Variants in CENATAC observed in about 807,000 individuals in gnomAD.
CENATAC encodes coiled-coil domain containing 84.
CENATAC carries 53 observed loss-of-function variants against 53.7 expected under a neutral mutation model. The ratio of observed to expected loss-of-function variants is 0.99; its 90% CI spans 0.79 to 1.24. The LOEUF is 1.24. Ranked by LOEUF, CENATAC falls within the 50% of genes most tolerant of loss-of-function variation. The pLI is 0.00. For synonymous variants in CENATAC, 156 were observed against 144.6 expected (o/e 1.08, Z -0.57); for missense variants, 474 against 417.8 (o/e 1.13, Z -1.17).
At chr11:119,006,177 C>CTG (rs1942586221) in intron 3 of CENATAC, among the ~76,000 whole-genome samples, 1 of 147,362 alleles carries the variant, frequency 6.8e-6, no homozygotes, top group East Asian at 2.0e-4. Context: ...ACCTCTGCCT[C>CTG]CCAGGTTCAA....
Position 118,998,535 on chromosome 11 carries a change from C to T in CENATAC, c.226C>T (p.His76Tyr). The T allele has an allele frequency of 1.2e-6, 2 of 1,601,960 alleles. No individual in the cohort carries two copies. The highest frequency in any genetic ancestry group is 8.5e-7 in the Non-Finnish European group (1 of 1,174,180). Residue 76 changes from histidine to tyrosine, a missense_variant, in exon 2 of 11, where the codon CAC becomes TAC. Physicochemically the swap from His to Tyr is moderately conservative, Grantham distance 83 (BLOSUM62 2). Transcript: ENST00000334418. ...GTGCTGCGGCTGTGAGGTGCGGGAACACCTGAGCCATGGAAACCTGACGGT... is the reference window on the plus strand; with the variant it reads ...GTGCTGCGGCTGTGAGGTGCGGGAATACCTGAGCCATGGAAACCTGACGGT... Reference protein sequence around the residue: ...CLCCGCEVREHLSHGNLTVLY... With the variant: ...CLCCGCEVREYLSHGNLTVLY...
Position 118,998,566 on chromosome 11 carries a change from A to C in CENATAC, c.257A>C (p.Tyr86Ser), listed in dbSNP as rs781789455. ...HLSHGNLTVLYGGLLEHLASP... is the reference protein window; with the variant it reads ...HLSHGNLTVLSGGLLEHLASP... The stretch of plus-strand genomic sequence containing the variant: ...AGCCATGGAAACCTGACGGTGCTGT[A>C]CGGGGGGCTGCTGGAGCATCTGGCC... Residue 86 changes from tyrosine to serine, a missense_variant, in exon 2 of 11, where the codon TAC becomes TCC. Coordinates refer to ENST00000334418, the MANE Select transcript of CENATAC (RefSeq NM_198489.3). 10 of 1,575,774 alleles carry C rather than the reference A, an allele frequency of 6.3e-6. No individual in the cohort carries two copies. The highest frequency in any genetic ancestry group is 1.2e-5 in the South Asian group (1 of 86,844).
intron 4 of CENATAC, 155 bp from the exon 5 acceptor site, chr11:119,011,066 G>A (rs983142488): frequency 3.0e-6 from 2 of 670,614 alleles, no homozygotes; most frequent in Admixed American, 2.8e-5. Flanking sequence ...TCTGACAGGA[G>A]CTCAGGCGGC....
Position 119,015,704 on chromosome 11 carries a change from C to G in CENATAC, c.*106C>G. The G allele has an allele frequency of 7.6e-7, 1 of 1,313,654 alleles. No individual in the cohort carries two copies. 81.4% of individuals were successfully genotyped at this position (1,313,654 alleles called of 1,614,324 possible). A position where few individuals can be genotyped will look rare whatever the true frequency, so the allele number is the denominator to read the frequency against. On this transcript the variant is annotated 3_prime_UTR_variant, in exon 11 of 11. Coordinates refer to ENST00000334418, the MANE Select transcript of CENATAC (RefSeq NM_198489.3). ...TTGTCTTTCTTAGGAAACAGACATACTCATTCATTTGATTTAATAAAGTTT... is the reference window on the plus strand; with the variant it reads ...TTGTCTTTCTTAGGAAACAGACATAGTCATTCATTTGATTTAATAAAGTTT...
At chr11:119,014,870 T>C (rs892813105) in intron 8 of CENATAC, 124 bp from the exon 9 acceptor site, 13 of 621,362 alleles carry the variant, frequency 2.1e-5, no homozygotes, top group Admixed American at 3.2e-5. Context: ...GCTCCAGAAT[T>C]CCTGGGCTTT....
At chr11:119,008,731 A>G (rs1245628408) in intron 3 of CENATAC, among the ~76,000 whole-genome samples, 2 of 152,168 alleles carry the variant, frequency 1.3e-5, no homozygotes, top group Admixed American at 6.6e-5. Flanking sequence ...CCACGAGGCC[A>G]TATTTCAGAC....
chr11:119,006,855 C>T (rs950471255), intron 3 of CENATAC, among the ~76,000 whole-genome samples: 6 of 152,244 alleles, frequency 3.9e-5, no homozygotes, highest in Non-Finnish European at 5.9e-5. Context: ...ATAAGTCTCA[C>T]ATGATCTGAT....
At chr11:119,015,230 A>C in intron 9 of CENATAC, 77 bp from the exon 10 acceptor site, 1 of 1,503,266 alleles carries the variant, frequency 6.7e-7, no homozygotes, top group Non-Finnish European at 9.0e-7. Context: ...GTTTGAAAAC[A>C]GCCTGGACAA....
rs782443849 is a variant in CENATAC, at chr11:119,015,544, A to G, written c.945A>G (p.Gln315=). The G allele has an allele frequency of 1.2e-6, 2 of 1,614,116 alleles. No homozygotes were observed. The highest frequency in any genetic ancestry group is 2.2e-5 in the South Asian group (2 of 91,084). The part of the protein sequence containing the change: ...NNGRRWQSRH[Q]FKTEAAAMKK... Reference sequence around the variant, plus strand: ...ACCCTTTATTTCCTTTCAGACATCAATTCAAAACTGAAGCTGCAGCAATGA... The same window carrying G: ...ACCCTTTATTTCCTTTCAGACATCAGTTCAAAACTGAAGCTGCAGCAATGA... The change falls in exon 11 of 11, where the codon CAA becomes CAG. Residue 315 remains glutamine, a synonymous_variant. Coordinates refer to ENST00000334418, the MANE Select transcript of CENATAC (RefSeq NM_198489.3).
intron 7 of CENATAC, 31 bp downstream of exon 7, chr11:119,012,285 C>A (rs782611424): frequency 1.2e-6 from 2 of 1,610,614 alleles, no homozygotes; most frequent in Non-Finnish European, 1.7e-6. Context: ...AGAAGAGGGC[C>A]AATGGTCCCT....
intron 3 of CENATAC, among the ~76,000 whole-genome samples, chr11:119,009,168 C>T (rs942290098): frequency 6.6e-6 from 1 of 152,052 alleles, no homozygotes; most frequent in African/African-American, 2.4e-5. Flanking sequence ...CTTGCTCTGT[C>T]ACTGGCCTGG....
chr11:119,014,374 G>T (rs1943035681), intron 8 of CENATAC: 1 of 152,284 alleles, frequency 6.6e-6, no homozygotes, highest in African/African-American at 2.4e-5. Flanking sequence ...ACGAGGTCAG[G>T]AGTTCAAGAC....
chr11:119,014,453 A>G (rs59608621), intron 8 of CENATAC: 44,924 of 151,958 alleles, frequency 0.3, 7,289 homozygotes, highest in African/African-American at 0.43. Flanking sequence ...ATCGCAGCGC[A>G]CGCCTGTAAT....
intron 3 of CENATAC, 110 bp from the exon 4 acceptor site, chr11:119,010,654 T>C: frequency 1.1e-6 from 1 of 950,564 alleles, no homozygotes; most frequent in Non-Finnish European, 1.7e-6. Flanking sequence ...CTATACTGTT[T>C]TGTTTCTGAA....
rs782816552 is a variant in CENATAC, at chr11:118,999,041, C to T, written c.315C>T (p.Phe105=). The stretch of plus-strand genomic sequence containing the variant: ...AGCACAAGAAAGCAACCAACAAATT[C>T]TGGTGGGAGAACAAAGCTGAGGTCC... The part of the protein sequence containing the change: ...SPEHKKATNK[F]WWENKAEVQM... The change falls in exon 3 of 11, where the codon TTC becomes TTT. Residue 105 remains phenylalanine, a synonymous_variant. Transcript: ENST00000334418. The T allele has an allele frequency of 8.1e-6, 13 of 1,614,022 alleles. No individual in the cohort carries two copies. Among genetic ancestry groups the T allele is most frequent in the South Asian group, 3.3e-5 (3 of 91,078 alleles).
intron 3 of CENATAC, chr11:119,001,503 C>T (rs939624468): frequency 3.4e-5 from 14 of 410,520 alleles, no homozygotes; most frequent in African/African-American, 2.1e-4. Flanking sequence ...GCGATTCTCC[C>T]GTTTCAGCCT....
In CENATAC at chr11:119,015,332, C is replaced by G. The variant is rs1240129436; in HGVS notation, c.831C>G (p.Leu277=). 4 of 1,612,678 alleles carry G rather than the reference C, an allele frequency of 2.5e-6. No homozygotes were observed. Among genetic ancestry groups the G allele is most frequent in the African/African-American group, 2.7e-5 (2 of 74,796 alleles). The change falls in exon 10 of 11, where the codon CTC becomes CTG. Residue 277 remains leucine (L), a synonymous_variant. Coordinates refer to ENST00000334418, the MANE Select transcript of CENATAC (RefSeq NM_198489.3). ...AGGAAAAACAGAAGTTGAAAAAACTCCCCCCAGACCGAGTTGGGGCCAACT... is the reference window on the plus strand; with the variant it reads ...AGGAAAAACAGAAGTTGAAAAAACTGCCCCCAGACCGAGTTGGGGCCAACT... The part of the protein sequence containing the change: ...KEKEKQKLKK[L]PPDRVGANFD...
chr11:118,998,405 G>A, intron 1 of CENATAC, 25 bp from the exon 2 acceptor site: 1 of 1,612,620 alleles, frequency 6.2e-7, no homozygotes, highest in Non-Finnish European at 8.5e-7. Flanking sequence ...CCCCCTCGGG[G>A]TTCTACTTGG....
At position 119,015,568 on chromosome 11, in the gene CENATAC, G is replaced by C. The variant is rs782223204; in HGVS notation, c.969G>C (p.Met323Ile). The C allele has an allele frequency of 6.2e-7, 1 of 1,614,044 alleles. No homozygotes were observed. Among genetic ancestry groups the C allele is most frequent in the Non-Finnish European group, 8.5e-7 (1 of 1,179,958 alleles). The change falls in exon 11 of 11, where the codon ATG (methionine) becomes ATC (isoleucine). Residue 323 changes from methionine to isoleucine, a missense_variant. Transcript: ENST00000334418. ...AATTCAAAACTGAAGCTGCAGCAAT[G>C]AAGAAGCAGTCACATACAGAAAAAA... is the stretch of plus-strand genomic sequence containing the variant. Reference protein sequence around the residue: ...RHQFKTEAAAMKKQSHTEKS With the variant: ...RHQFKTEAAAIKKQSHTEKS
Sources: allele counts gnomAD v4.1 joint callset (sites outside exome capture counted in the v4.1 genomes callset), GRCh38; gene constraint gnomAD v4.1.1; transcripts MANE v1.5; gene names NCBI Gene and HGNC (gene_info 2026-07-23, HGNC 2026-07-21).